PARD3B: variants seen among roughly 807,000 people sequenced by gnomAD.
PARD3B encodes the protein par-3 family cell polarity regulator beta.
In PARD3B, 103 loss-of-function variants were observed where a neutral mutation model predicts 130.2. The ratio of observed to expected loss-of-function variants is 0.79; its 90% confidence interval spans 0.67 to 0.93. The LOEUF is 0.93. Among genes scored for constraint, PARD3B ranks in the 40% least tolerant of loss-of-function variants. The probability of loss-of-function intolerance (pLI) is 0.00; values close to 1 mark genes in which losing one functional copy is unlikely to be tolerated. For synonymous variants in PARD3B, 583 were observed against 553.2 expected (o/e 1.05, Z -0.76); for missense variants, 1,609 against 1,499.2 (o/e 1.07, Z -1.21).
chr2:204,620,470 G>C (rs113018416), intron 1 of PARD3B, among the ~76,000 whole-genome samples: 2,055 of 152,288 alleles, frequency 0.013, 45 homozygotes, highest in African/African-American at 0.044. Flanking sequence ...AAAGTAAGTC[G>C]CAGCACTGTA....
intron 1 of PARD3B, among the ~76,000 whole-genome samples, chr2:204,564,638 A>G (rs1169751715): frequency 2.6e-5 from 4 of 152,334 alleles, no homozygotes; most frequent in African/African-American, 7.2e-5. Flanking sequence ...ACAAAAAAAA[A>G]TGTGGTGAGA....
chr2:204,738,359 G>A (rs1412697572), intron 2 of PARD3B, among the ~76,000 whole-genome samples: 1 of 152,004 alleles, frequency 6.6e-6, no homozygotes, highest in African/African-American at 2.4e-5. Context: ...ATCTTGATTT[G>A]ATTCTCAGCT....
At chr2:204,640,362 T>C (rs532795111) in intron 1 of PARD3B, among the ~76,000 whole-genome samples, 2 of 152,286 alleles carry the variant, frequency 1.3e-5, no homozygotes, top group Non-Finnish European at 2.9e-5. Flanking sequence ...CCCAAATTCC[T>C]GTCCTGTTCA....
At chr2:204,897,677 T>C (rs879892612) in intron 2 of PARD3B, among the ~76,000 whole-genome samples, 3 of 152,080 alleles carry the variant, frequency 2.0e-5, no homozygotes, top group Non-Finnish European at 4.4e-5. Context: ...CAAAGATTCC[T>C]TGTTAAAATT....
Position 204,737,799 on chromosome 2 carries a change from C to T in PARD3B, c.222+51517C>T, listed in dbSNP as rs533653593. Among the ~76,000 whole-genome samples, 24 of 152,064 alleles carry T rather than the reference C, an allele frequency of 1.6e-4. No homozygotes were observed. In the East Asian group the frequency reaches 1.9e-3, roughly 12 times the overall value. On this transcript the variant is annotated intron_variant, in intron 2 of 22. Transcript: ENST00000406610. ...GTTTATTCTTTTATATGTGGTTTGC[C>T]GGTTTTCCCATTTAATACATAGGAT...
At chr2:204,751,879 A>C (rs554402312) in intron 2 of PARD3B, among the ~76,000 whole-genome samples, 2 of 152,258 alleles carry the variant, frequency 1.3e-5, no homozygotes, top group East Asian at 3.9e-4. Context: ...AAAATTTAAT[A>C]TTTCATATTA....
chr2:204,746,884 G>A (rs2040254012), intron 2 of PARD3B, among the ~76,000 whole-genome samples: 1 of 152,084 alleles, frequency 6.6e-6, no homozygotes, highest in African/African-American at 2.4e-5. Flanking sequence ...TTAGCCCTTT[G>A]TCAGATGAGT....
chr2:205,284,827 C>T (rs1427698784), intron 16 of PARD3B, among the ~76,000 whole-genome samples: 2 of 151,758 alleles, frequency 1.3e-5, no homozygotes, highest in South Asian at 2.1e-4. Flanking sequence ...ATTTATTTTT[C>T]CCCCCATGGC....
At chr2:205,317,650 T>C (rs2042606866) in intron 18 of PARD3B, among the ~76,000 whole-genome samples, 1 of 152,210 alleles carries the variant, frequency 6.6e-6, no homozygotes, top group Non-Finnish European at 1.5e-5. Flanking sequence ...CTCTTCTTCC[T>C]TCCCTCACCA....
chr2:204,700,412 C>T (rs1374330835), intron 2 of PARD3B, among the ~76,000 whole-genome samples: 1 of 151,994 alleles, frequency 6.6e-6, no homozygotes, highest in East Asian at 1.9e-4. Context: ...CTCTGAGCAC[C>T]ATTTGGTCAG....
chr2:204,791,737 A>T (rs1490170718), intron 2 of PARD3B, among the ~76,000 whole-genome samples: 1 of 152,166 alleles, frequency 6.6e-6, no homozygotes, highest in Non-Finnish European at 1.5e-5. Flanking sequence ...CCATAATCAG[A>T]TTTTGCAAGG....
At chr2:205,317,529 AT>A (rs1017903835) in intron 18 of PARD3B, among the ~76,000 whole-genome samples, 12 of 152,238 alleles carry the variant, frequency 7.9e-5, no homozygotes, top group African/African-American at 2.9e-4. Context: ...TAACCAACTC[AT>A]CCCACTTTGA....
At chr2:205,112,788 A>G (rs1011373512) in intron 5 of PARD3B, among the ~76,000 whole-genome samples, 1 of 152,072 alleles carries the variant, frequency 6.6e-6, no homozygotes, top group African/African-American at 2.4e-5. Flanking sequence ...TTCCTTAATC[A>G]GGGGTAGGTT....
chr2:205,043,192 T>G (rs761690891), intron 3 of PARD3B, among the ~76,000 whole-genome samples: 3 of 152,190 alleles, frequency 2.0e-5, no homozygotes, highest in Non-Finnish European at 2.9e-5. Context: ...GGTTAGATTT[T>G]ATTATTTTAA....
Position 205,119,032 on chromosome 2 carries a change from C to A in PARD3B, c.792C>A (p.Asp264Glu). The stretch of plus-strand genomic sequence containing the variant: ...AAATCAACAATGTGGATCTCGTAGA[C>A]AAAACCTTTGCTCAGTAAGCATTTT... Reference protein sequence around the residue: ...IVKINNVDLVDKTFAQAQDVF... With the variant: ...IVKINNVDLVEKTFAQAQDVF... Residue 264 changes from aspartate to glutamate, a missense_variant, in exon 7 of 23, where the codon GAC (aspartate) becomes GAA (glutamate). Asp to Glu is a conservative substitution (Grantham distance 45, BLOSUM62 2). Coordinates refer to ENST00000406610, the MANE Select transcript of PARD3B (RefSeq NM_001302769.2). 1 of 1,603,162 alleles carries A rather than the reference C, an allele frequency of 6.2e-7. No individual in the cohort carries two copies. Among genetic ancestry groups the A allele is most frequent in the Non-Finnish European group, 8.5e-7 (1 of 1,176,354 alleles).
At position 204,735,926 on chromosome 2, in the gene PARD3B, C is replaced by T. The variant is rs193253650; in HGVS notation, c.222+49644C>T. Among the ~76,000 whole-genome samples, 242 of 152,274 alleles carry T rather than the reference C, an allele frequency of 1.6e-3. 2 individuals carry two copies. The highest frequency in any genetic ancestry group is 0.014 in the South Asian group (67 of 4,826). ...AAGGGTGTATGAGCATTTATTTACTCATTAACTTTTCTACGTGCTTAAAAT... is the reference window on the plus strand; with the variant it reads ...AAGGGTGTATGAGCATTTATTTACTTATTAACTTTTCTACGTGCTTAAAAT... On this transcript the variant is annotated intron_variant, in intron 2 of 22. Transcript: ENST00000406610.
At chr2:204,626,151 G>A (rs976244451) in intron 1 of PARD3B, among the ~76,000 whole-genome samples, 1 of 152,078 alleles carries the variant, frequency 6.6e-6, no homozygotes, top group African/African-American at 2.4e-5. Flanking sequence ...CCCATGGACT[G>A]ACAATTTGGG....
At chr2:205,022,971 G>A (rs1015955352) in intron 3 of PARD3B, among the ~76,000 whole-genome samples, 2 of 152,112 alleles carry the variant, frequency 1.3e-5, no homozygotes, top group Non-Finnish European at 2.9e-5. Flanking sequence ...GTGTGAACTG[G>A]AGCTGAACTT....
chr2:205,536,582 A>G (rs1208489366), intron 21 of PARD3B, among the ~76,000 whole-genome samples: 4 of 152,276 alleles, frequency 2.6e-5, no homozygotes, highest in Middle Eastern at 3.4e-3. Context: ...TAATTTATGC[A>G]CTGTTGCTTG....
Sources: allele counts gnomAD v4.1 joint callset (sites outside exome capture counted in the v4.1 genomes callset), GRCh38; gene constraint gnomAD v4.1.1; transcripts MANE v1.5; gene names NCBI Gene and HGNC (gene_info 2026-07-23, HGNC 2026-07-21).